Variants in PIK3C2G observed in about 807,000 individuals in gnomAD.
PIK3C2G encodes phosphatidylinositol 3-kinase C2 domain-containing subunit gamma.
Under a neutral mutation model 181.1 loss-of-function variants are expected in PIK3C2G, and 168 were observed. That is an observed-to-expected ratio of 0.93 (90% confidence interval 0.82 to 1.05). The LOEUF is 1.05. Ranked by LOEUF, PIK3C2G falls within the 50% of genes least tolerant of loss-of-function variation. PIK3C2G has a pLI of 0.00. For missense variants in PIK3C2G, 1,869 were observed against 1,732.8 expected (o/e 1.08, Z -1.40); for synonymous variants, 573 against 592.2 (o/e 0.97, Z 0.47).
Position 18,445,601 on chromosome 12 carries a change from C to T in PIK3C2G, c.2504+21562C>T, listed in dbSNP as rs191492168. Among the ~76,000 whole-genome samples the T allele has an allele frequency of 2.8e-4, 42 of 152,066 alleles. 1 individual carries two copies. Among genetic ancestry groups the T allele is most frequent in the Admixed American group, 2.6e-3 (40 of 15,260 alleles). The stretch of plus-strand genomic sequence containing the variant: ...CTTTTAAATGCTAATTACAGATCTA[C>T]TAAGATATGTGCAAAATGATGCATG... On this transcript the variant is annotated intron_variant, in intron 18 of 32. Coordinates refer to ENST00000538779, the MANE Select transcript of PIK3C2G (RefSeq NM_001288772.2).
intron 18 of PIK3C2G, among the ~76,000 whole-genome samples, chr12:18,475,435 A>T (rs551403786): frequency 5.3e-5 from 8 of 150,066 alleles, no homozygotes; most frequent in Non-Finnish European, 1.2e-4. Flanking sequence ...TTTGTAATTA[A>T]TTTTTCCCCC....
intron 8 of PIK3C2G, among the ~76,000 whole-genome samples, chr12:18,327,847 T>C (rs2137517111): frequency 6.6e-6 from 1 of 152,122 alleles, no homozygotes; most frequent in East Asian, 1.9e-4. Context: ...GTTCAAACCA[T>C]ACTCTGAAGT....
intron 5 of PIK3C2G, among the ~76,000 whole-genome samples, chr12:18,313,698 CTT>C (rs1370028390): frequency 6.6e-5 from 10 of 151,816 alleles, no homozygotes; most frequent in Non-Finnish European, 8.8e-5. Flanking sequence ...CATTTTCTAA[CTT>C]ATTAATGCAC....
At chr12:18,684,364 C>T in the PIK3C2G span, 1 of 1,277,420 alleles carries the variant, frequency 7.8e-7, no homozygotes, top group Non-Finnish European at 1.1e-6. Context: ...CAAACTTTTT[C>T]TTTTCAACCC....
chr12:18,560,195 T>A (rs1485635369), intron 26 of PIK3C2G, among the ~76,000 whole-genome samples: 1 of 151,718 alleles, frequency 6.6e-6, no homozygotes, highest in Non-Finnish European at 1.5e-5. Flanking sequence ...CCGTAAAAAA[T>A]CCTCTACTCC....
chr12:18,650,347 A>ATATATATGTGTG (rs1349566559), downstream of PIK3C2G, among the ~76,000 whole-genome samples: 1 of 114,544 alleles, frequency 8.7e-6, no homozygotes, highest in Non-Finnish European at 1.8e-5. Flanking sequence ...ATATATATAT[A>ATATATATGTGTG]TGTGTGTGTG....
chr12:18,713,749 G>T, the PIK3C2G span: 2 of 152,114 alleles, frequency 1.3e-5, no homozygotes, highest in Non-Finnish European at 2.9e-5. Context: ...CAGAATACAA[G>T]TTCACAGCTT....
intron 1 of PIK3C2G, among the ~76,000 whole-genome samples, chr12:18,271,563 C>T (rs1948745836): frequency 6.6e-6 from 1 of 152,058 alleles, no homozygotes; most frequent in Non-Finnish European, 1.5e-5. Context: ...ACTTATTTTC[C>T]TCTTACCAGG....
chr12:18,357,291 AGGTGTG>A (rs1022198197), intron 11 of PIK3C2G, among the ~76,000 whole-genome samples: 39 of 151,648 alleles, frequency 2.6e-4, no homozygotes, highest in Non-Finnish European at 5.9e-5. Context: ...TTTTGTCAGG[AGGTGTG>A]GGTGTGTGTG....
At chr12:18,563,616 A>C in intron 28 of PIK3C2G, 118 bp downstream of exon 28, 10 of 847,348 alleles carry the variant, frequency 1.2e-5, no homozygotes, top group Non-Finnish European at 1.5e-5. Flanking sequence ...CTCCAATGCC[A>C]TTGAATCTAT....
At chr12:18,459,225 C>T (rs1380374261) in intron 18 of PIK3C2G, among the ~76,000 whole-genome samples, 2 of 152,156 alleles carry the variant, frequency 1.3e-5, no homozygotes, top group Non-Finnish European at 2.9e-5. Context: ...GTTCCTCAGG[C>T]AACCCCCAAA....
chr12:18,353,293 T>C (rs1296431598), intron 11 of PIK3C2G, among the ~76,000 whole-genome samples: 1 of 152,016 alleles, frequency 6.6e-6, no homozygotes. Context: ...TGTTCAGAGT[T>C]TGATGGCCTC....
chr12:18,473,369 T>C (rs1938637301), intron 18 of PIK3C2G, among the ~76,000 whole-genome samples: 1 of 152,218 alleles, frequency 6.6e-6, no homozygotes, highest in Admixed American at 6.5e-5. Flanking sequence ...AACTTTAATC[T>C]AGAAGTGATA....
At chr12:18,516,261 GTTT>G (rs34294540) in intron 24 of PIK3C2G, among the ~76,000 whole-genome samples, 1 of 138,374 alleles carries the variant, frequency 7.2e-6, no homozygotes, top group East Asian at 2.1e-4. Flanking sequence ...TTGACTGATG[GTTT>G]TTTTTTTTTT....
At chr12:18,380,404 T>C (rs1036679811) in intron 13 of PIK3C2G, among the ~76,000 whole-genome samples, 3 of 152,188 alleles carry the variant, frequency 2.0e-5, no homozygotes, top group Non-Finnish European at 2.9e-5. Flanking sequence ...ATTGGACATG[T>C]TTCTTCCTCC....
At chr12:18,358,675 A>T in intron 11 of PIK3C2G, 1 of 498,528 alleles carries the variant, frequency 2.0e-6, no homozygotes, top group Non-Finnish European at 4.0e-6. Flanking sequence ...ATCCTGTCCC[A>T]CAAAATCCTC....
chr12:18,398,331 T>G (rs1278481421), intron 15 of PIK3C2G, among the ~76,000 whole-genome samples: 1 of 152,196 alleles, frequency 6.6e-6, no homozygotes, highest in African/African-American at 2.4e-5. Context: ...TACTATGGAT[T>G]TTTTTTCTTC....
At chr12:18,562,614 TACTG>T in intron 26 of PIK3C2G, 85 bp from the exon 27 acceptor site, 1 of 782,210 alleles carries the variant, frequency 1.3e-6, no homozygotes, top group Non-Finnish European at 2.1e-6. Flanking sequence ...TTTCCCCTCA[TACTG>T]ACAAACACAA....
rs757940514 is a variant in PIK3C2G, at chr12:18,381,885, G to A, written c.1995+5G>A. 1 of 1,546,136 alleles carries A rather than the reference G, an allele frequency of 6.5e-7. No individual in the cohort carries two copies. Among genetic ancestry groups the A allele is most frequent in the East Asian group, 2.2e-5 (1 of 44,538 alleles). ...CCATCCCCGGTGACCCTGCAGGTAA[G>A]TGCCAGGCTAAAAGATTAAAGTACA... On this transcript the variant is annotated splice_donor_5th_base_variant and intron_variant, in intron 14 of 32. Transcript: ENST00000538779.
Sources: allele counts gnomAD v4.1 joint callset (sites outside exome capture counted in the v4.1 genomes callset), GRCh38; gene constraint gnomAD v4.1.1; transcripts MANE v1.5; gene names NCBI Gene and HGNC (gene_info 2026-07-23, HGNC 2026-07-21).